Variants in PGGT1B observed in about 807,000 individuals in gnomAD.
PGGT1B encodes the protein protein geranylgeranyltransferase type I subunit beta, also known as geranylgeranyl transferase type-1 subunit beta.
Under a neutral mutation model 46.1 loss-of-function variants are expected in PGGT1B, and 30 were observed. That is an observed-to-expected ratio of 0.65 (90% confidence interval 0.49 to 0.88). The LOEUF (loss-of-function observed/expected upper bound fraction) is 0.88. Among genes scored for constraint, PGGT1B ranks in the 40% least tolerant of loss-of-function variants. The pLI, the probability that PGGT1B is intolerant of heterozygous loss-of-function variation, is 0.00. For synonymous variants in PGGT1B, 170 were observed against 160.0 expected (o/e 1.06, Z -0.47); for missense variants, 376 against 455.9 (o/e 0.82, Z 1.60).
At chr5:115,247,364 G>A (rs1273657064) in intron 2 of PGGT1B, among the ~76,000 whole-genome samples, 1 of 151,902 alleles carries the variant, frequency 6.6e-6, no homozygotes, top group Non-Finnish European at 1.5e-5. Flanking sequence ...ACAGCTCTTG[G>A]GCCAAAATAT....
Position 115,208,824 on chromosome 5 carries a change from T to A in PGGT1B, c.*3578A>T, listed in dbSNP as rs139099823. 1 of 152,216 alleles carries A rather than the reference T, an allele frequency of 6.6e-6. No homozygotes were observed. The highest frequency in any genetic ancestry group is 1.5e-5 in the Non-Finnish European group (1 of 67,970). The allele number at this position is 152,216 out of a possible 1,614,324, so 9.4% of individuals were successfully genotyped here. A position where few individuals can be genotyped will look rare whatever the true frequency, so the allele number is the denominator to read the frequency against. On this transcript the variant is annotated 3_prime_UTR_variant, in exon 9 of 9. Transcript: ENST00000419445. ...TTCCTACTTTTATTGATAACTGTAC[T>A]AATTAATATAAATTTCCTGTCATAT...
intron 1 of PGGT1B, among the ~76,000 whole-genome samples, chr5:115,255,882 G>A (rs1030950457): frequency 6.6e-6 from 1 of 152,232 alleles, no homozygotes; most frequent in East Asian, 1.9e-4. Flanking sequence ...ATTCTCCACA[G>A]GGGTGCTTCT....
chr5:115,236,394 C>G lies in PGGT1B; in HGVS notation c.608G>C (p.Ser203Thr). The G allele has an allele frequency of 6.3e-7, 1 of 1,592,136 alleles. No homozygotes were observed. Among genetic ancestry groups the G allele is most frequent in the Non-Finnish European group, 8.5e-7 (1 of 1,171,914 alleles). ...AATTTTATCAACAGAACTCACCATACTCCTTCTAATATAGGTGATGGCTTT... is the reference window on the plus strand; with the variant it reads ...AATTTTATCAACAGAACTCACCATAGTCCTTCTAATATAGGTGATGGCTTT... ...MKKAITYIRR[S>T]MSYDNGLAQG... The change falls in exon 5 of 9, where the codon AGT becomes ACT. Residue 203 changes from serine to threonine, a missense_variant. By Grantham distance (58) the Ser-to-Thr change is moderately conservative (BLOSUM62 1). This residue lies in a region of PGGT1B where 222 missense variants were observed against 313.6 expected (regional missense o/e 0.71). Transcript: ENST00000419445.
At position 115,212,270 on chromosome 5, in the gene PGGT1B, A is replaced by G; in HGVS notation, c.*132T>C. The G allele has an allele frequency of 1.4e-6, 2 of 1,480,072 alleles. No homozygotes were observed. Among genetic ancestry groups the G allele is most frequent in the Admixed American group, 2.4e-5 (1 of 41,192 alleles). 91.7% of individuals were successfully genotyped at this position (1,480,072 alleles called of 1,614,324 possible). The stretch of plus-strand genomic sequence containing the variant: ...ATTACTGGCTCAAGACCATATCCCA[A>G]AGTGAAATCAGCAGGAGATTTGATT... On this transcript the variant is annotated 3_prime_UTR_variant, in exon 9 of 9. Transcript: ENST00000419445.
At chr5:115,216,251 T>C (rs1202854789) in intron 8 of PGGT1B, among the ~76,000 whole-genome samples, 4 of 152,216 alleles carry the variant, frequency 2.6e-5, no homozygotes, top group Non-Finnish European at 5.9e-5. Context: ...GTGACTCTCC[T>C]GCCTCAGACT....
chr5:115,204,994 T>C lies in PGGT1B; in HGVS notation c.*7408A>G, dbSNP rs1428698595. The C allele has an allele frequency of 6.6e-6, 1 of 152,136 alleles. No individual in the cohort carries two copies. Among genetic ancestry groups the C allele is most frequent in the African/African-American group, 2.4e-5 (1 of 41,436 alleles). 9.4% of individuals were successfully genotyped at this position (152,136 alleles called of 1,614,324 possible). On this transcript the variant is annotated 3_prime_UTR_variant, in exon 9 of 9. Coordinates refer to ENST00000419445, the MANE Select transcript of PGGT1B (RefSeq NM_005023.4). Reference sequence around the variant, plus strand: ...GTGTTCTAGTGTGGTACTCAATTGCTGAAACTTAAATGACAAGATGAAAAT... The same window carrying C: ...GTGTTCTAGTGTGGTACTCAATTGCCGAAACTTAAATGACAAGATGAAAAT...
At chr5:115,250,674 A>T (rs749523138) in intron 2 of PGGT1B, among the ~76,000 whole-genome samples, 3 of 152,138 alleles carry the variant, frequency 2.0e-5, no homozygotes, top group African/African-American at 7.2e-5. Context: ...AAGTATAATA[A>T]ACATCAGAAA....
At chr5:115,216,705 T>G (rs986965701) in intron 8 of PGGT1B, among the ~76,000 whole-genome samples, 160 bp downstream of exon 8, 2 of 152,224 alleles carry the variant, frequency 1.3e-5, no homozygotes, top group African/African-American at 2.4e-5. Context: ...TCTAATACCC[T>G]AAATTTATCC....
At chr5:115,222,119 T>C in intron 6 of PGGT1B, 111 bp from the exon 7 acceptor site, 1 of 533,196 alleles carries the variant, frequency 1.9e-6, no homozygotes, top group South Asian at 5.2e-5. Flanking sequence ...AATAGTGAAA[T>C]AAAATTTAAA....
Position 115,209,242 on chromosome 5 carries a change from C to T in PGGT1B, c.*3160G>A, listed in dbSNP as rs1479911736. ...CATCCTGCCCATTTGGATTCTAATT[C>T]TAGAAGTTTGTCCTCAGTGCTGGGC... On this transcript the variant is annotated 3_prime_UTR_variant, in exon 9 of 9. Coordinates refer to ENST00000419445, the MANE Select transcript of PGGT1B (RefSeq NM_005023.4). 1 of 152,048 alleles carries T rather than the reference C, an allele frequency of 6.6e-6. No homozygotes were observed. Among genetic ancestry groups the T allele is most frequent in the African/African-American group, 2.4e-5 (1 of 41,410 alleles). The allele number at this position is 152,048 out of a possible 1,614,324, so 9.4% of individuals were successfully genotyped here.
In PGGT1B at chr5:115,205,131, C is replaced by G. The variant is rs992925522; in HGVS notation, c.*7271G>C. 9.9e-5 allele frequency: 15 copies of G among 152,190 alleles called. No homozygotes were observed. The highest frequency in any genetic ancestry group is 3.1e-4 in the African/African-American group (13 of 41,460). 9.4% of individuals were successfully genotyped at this position (152,190 alleles called of 1,614,324 possible). A position where few individuals can be genotyped will look rare whatever the true frequency, so the allele number is the denominator to read the frequency against. On this transcript the variant is annotated 3_prime_UTR_variant, in exon 9 of 9. Coordinates refer to ENST00000419445, the MANE Select transcript of PGGT1B (RefSeq NM_005023.4). ...AAGCTCTACCAAACTCCTTGACTTGCTCATGTAGAATTAAATGAGAGGGAA... is the reference window on the plus strand; with the variant it reads ...AAGCTCTACCAAACTCCTTGACTTGGTCATGTAGAATTAAATGAGAGGGAA...
At position 115,205,236 on chromosome 5, in the gene PGGT1B, C is replaced by A. The variant is rs548276028; in HGVS notation, c.*7166G>T. 3 of 152,220 alleles carry A rather than the reference C, an allele frequency of 2.0e-5. No individual in the cohort carries two copies. The East Asian group carries it at 5.8e-4, about 29-fold the overall frequency. 9.4% of individuals were successfully genotyped at this position (152,220 alleles called of 1,614,324 possible). On this transcript the variant is annotated 3_prime_UTR_variant, in exon 9 of 9. Transcript: ENST00000419445. ...AATTGTATGTCTTTCATGATCCCAC[C>A]TATACTTTAAGAAAACTTTTTGACT... is the stretch of plus-strand genomic sequence containing the variant.
chr5:115,221,554 T>G (rs1409115494), intron 7 of PGGT1B, among the ~76,000 whole-genome samples: 2 of 152,004 alleles, frequency 1.3e-5, no homozygotes, highest in East Asian at 3.9e-4. Context: ...AAAGTAAGTA[T>G]TTAATATGTT....
At chr5:115,233,096 ACT>A (rs1265892289) in intron 5 of PGGT1B, among the ~76,000 whole-genome samples, 1 of 151,986 alleles carries the variant, frequency 6.6e-6, no homozygotes, top group Non-Finnish European at 1.5e-5. Context: ...ATACAAAGTA[ACT>A]CTGAGATGAA....
Position 115,241,576 on chromosome 5 carries a change from C to A in PGGT1B, c.290G>T (p.Gly97Val). 6.2e-7 allele frequency: 1 copy of A among 1,607,822 alleles called. No individual in the cohort carries two copies. Among genetic ancestry groups the A allele is most frequent in the Non-Finnish European group, 8.5e-7 (1 of 1,176,866 alleles). The change falls in exon 3 of 9, where the codon GGC (glycine) becomes GTC (valine). Residue 97 changes from glycine to valine, a missense_variant. Coordinates refer to ENST00000419445, the MANE Select transcript of PGGT1B (RefSeq NM_005023.4). ...RSNLNRCGFR[G>V]SSYLGIPFNP... ...GAACGGAATACCCAGGTATGAAGAG[C>A]CTCGGAAACCACAGCGATTTAGATT... is the stretch of plus-strand genomic sequence containing the variant.
At chr5:115,259,858 G>A (rs550595728) in intron 1 of PGGT1B, among the ~76,000 whole-genome samples, 1 of 152,154 alleles carries the variant, frequency 6.6e-6, no homozygotes, top group East Asian at 1.9e-4. Context: ...AAAGCTAACT[G>A]CCTAAACCCT....
chr5:115,256,484 T>C (rs1325530347), intron 1 of PGGT1B, among the ~76,000 whole-genome samples: 1 of 152,218 alleles, frequency 6.6e-6, no homozygotes, highest in Admixed American at 6.5e-5. Context: ...TCCAGCATTT[T>C]CAACTCATAG....
intron 2 of PGGT1B, among the ~76,000 whole-genome samples, chr5:115,243,884 G>C (rs1757423671): frequency 6.6e-6 from 1 of 151,996 alleles, no homozygotes; most frequent in African/African-American, 2.4e-5. Flanking sequence ...TCTCAGAGTG[G>C]CAACGGCACT....
chr5:115,230,446 C>T (rs1756940734), intron 6 of PGGT1B, among the ~76,000 whole-genome samples: 1 of 151,934 alleles, frequency 6.6e-6, no homozygotes, highest in African/African-American at 2.4e-5. Context: ...CACTTAGTGA[C>T]TATCACATCA....
Sources: gnomAD v4.1 joint callset for allele counts (sites outside exome capture counted in the v4.1 genomes callset) on GRCh38, gnomAD v4.1.1 for gene constraint, gnomAD v4.1.1 regional missense constraint, MANE v1.5 for transcripts, NCBI Gene and HGNC (gene_info 2026-07-23, HGNC 2026-07-21) for gene names.